UNC5D: variants seen among roughly 807,000 people sequenced by gnomAD.
The protein encoded by UNC5D is unc-5 netrin receptor D.
Under a neutral mutation model 105.4 loss-of-function variants are expected in UNC5D, and 39 were observed. That is an observed-to-expected ratio of 0.37 (90% CI 0.29 to 0.48). The LOEUF (loss-of-function observed/expected upper bound fraction) is 0.48. UNC5D is among the 20% of genes least tolerant of loss of function. UNC5D has a pLI of 0.98. For missense variants in UNC5D, 991 were observed against 1,202.4 expected, an observed-to-expected ratio of 0.82 and a Z score of 2.60; for synonymous variants, 452 against 450.4, an observed-to-expected ratio of 1.00 and a Z score of -0.04.
At chr8:35,721,434 C>T (rs1286291695) in intron 8 of UNC5D, 3 of 702,812 alleles carry the variant, frequency 4.3e-6, no homozygotes, top group Non-Finnish European at 7.8e-6. Flanking sequence ...TTTATTTTTG[C>T]TTTGCCCATG....
At chr8:35,320,362 G>A (rs1036232175) in intron 1 of UNC5D, among the ~76,000 whole-genome samples, 2 of 151,962 alleles carry the variant, frequency 1.3e-5, no homozygotes, top group Non-Finnish European at 2.9e-5. Flanking sequence ...TTTTAATCAT[G>A]CAGATGAAGG....
intron 1 of UNC5D, among the ~76,000 whole-genome samples, chr8:35,353,085 C>T (rs1000258082): frequency 6.6e-6 from 1 of 152,118 alleles, no homozygotes; most frequent in African/African-American, 2.4e-5. Flanking sequence ...AAAAAACATG[C>T]TCACAACAAA....
chr8:35,478,171 C>A (rs1250130677), intron 1 of UNC5D, among the ~76,000 whole-genome samples: 1 of 152,066 alleles, frequency 6.6e-6, no homozygotes, highest in Non-Finnish European at 1.5e-5. Flanking sequence ...GATTAATCAA[C>A]ACAGATGGGT....
intron 1 of UNC5D, among the ~76,000 whole-genome samples, chr8:35,362,804 T>A: frequency 6.6e-6 from 1 of 152,116 alleles, no homozygotes; most frequent in East Asian, 1.9e-4. Flanking sequence ...GGCTGTAAGT[T>A]CTTCATCTCA....
intron 1 of UNC5D, among the ~76,000 whole-genome samples, chr8:35,280,844 A>T (rs1283865816): frequency 6.6e-6 from 1 of 152,156 alleles, no homozygotes; most frequent in Admixed American, 6.5e-5. Flanking sequence ...CAGTTGCCAG[A>T]TTAATCTTTC....
rs149059007 is a variant in UNC5D at position 35,497,115 on chromosome 8, T to C, written c.104-52177T>C. Among the ~76,000 whole-genome samples, 442 of 152,294 alleles carry C rather than the reference T, an allele frequency of 2.9e-3. 2 individuals are homozygous for C. Among genetic ancestry groups the C allele is most frequent in the Non-Finnish European group, 4.2e-3 (285 of 68,026 alleles). On this transcript the variant is annotated intron_variant, in intron 1 of 16. Transcript: ENST00000404895. Reference sequence around the variant, plus strand: ...TTGTGTATTTTTATGCTAGGTTTGATGAAGAAGTAGATAGTCATGGAGAAA... The same window carrying C: ...TTGTGTATTTTTATGCTAGGTTTGACGAAGAAGTAGATAGTCATGGAGAAA...
At chr8:35,513,523 C>G (rs939187675) in intron 1 of UNC5D, among the ~76,000 whole-genome samples, 1 of 150,728 alleles carries the variant, frequency 6.6e-6, no homozygotes. Context: ...GCCACCATGC[C>G]CGGCCGGGCC....
At chr8:35,612,299 A>G (rs1820735391) in intron 4 of UNC5D, among the ~76,000 whole-genome samples, 1 of 152,210 alleles carries the variant, frequency 6.6e-6, no homozygotes, top group Non-Finnish European at 1.5e-5. Flanking sequence ...CTCAGCCCCA[A>G]ATCAGCTTTG....
chr8:35,569,266 C>T (rs1161179011), intron 3 of UNC5D, among the ~76,000 whole-genome samples: 1 of 152,120 alleles, frequency 6.6e-6, no homozygotes, highest in African/African-American at 2.4e-5. Context: ...CCCATAAAAC[C>T]TCTTTTGTGT....
At chr8:35,462,659 G>A (rs1471067298) in intron 1 of UNC5D, among the ~76,000 whole-genome samples, 1 of 152,042 alleles carries the variant, frequency 6.6e-6, no homozygotes, top group African/African-American at 2.4e-5. Context: ...AAATTTCCCT[G>A]GGATTAAATA....
At chr8:35,595,522 CAA>C in intron 3 of UNC5D, 30 bp from the exon 4 acceptor site, 2 of 1,603,478 alleles carry the variant, frequency 1.2e-6, no homozygotes, top group Non-Finnish European at 1.7e-6. Flanking sequence ...AGACTTGAAA[CAA>C]AGTGTCACCT....
intron 7 of UNC5D, among the ~76,000 whole-genome samples, chr8:35,699,051 T>C (rs751507109): frequency 2.0e-5 from 3 of 152,182 alleles, no homozygotes; most frequent in Non-Finnish European, 2.9e-5. Context: ...GAAAGTCTCA[T>C]AGATATTGGC....
intron 13 of UNC5D, among the ~76,000 whole-genome samples, chr8:35,755,458 T>TAA (rs1830472703): frequency 6.7e-6 from 1 of 149,668 alleles, no homozygotes; most frequent in Non-Finnish European, 1.5e-5. Context: ...GAAAGCACCA[T>TAA]AGCGACATAA....
chr8:35,731,888 G>C (rs1829216189), intron 11 of UNC5D, among the ~76,000 whole-genome samples: 1 of 152,146 alleles, frequency 6.6e-6, no homozygotes, highest in Admixed American at 6.5e-5. Context: ...TTTCAGGCCT[G>C]ACAAATTTCA....
intron 1 of UNC5D, among the ~76,000 whole-genome samples, chr8:35,518,478 A>G (rs533920666): frequency 1.0e-3 from 159 of 152,314 alleles, no homozygotes; most frequent in African/African-American, 3.6e-3. Context: ...TTGAATTTAC[A>G]TATGTTGGTA....
intron 4 of UNC5D, 107 bp from the exon 5 acceptor site, chr8:35,683,440 A>C (rs1249011630): frequency 1.8e-5 from 20 of 1,124,064 alleles, no homozygotes; most frequent in Non-Finnish European, 2.3e-5. Flanking sequence ...CTGTTGCTCT[A>C]TATTTTAGAT....
chr8:35,284,522 A>G (rs1585493744), intron 1 of UNC5D, among the ~76,000 whole-genome samples: 1 of 152,080 alleles, frequency 6.6e-6, no homozygotes, highest in East Asian at 1.9e-4. Flanking sequence ...CAGTAGGAAA[A>G]TCTGGGGAAA....
At chr8:35,342,765 G>C (rs920971516) in intron 1 of UNC5D, among the ~76,000 whole-genome samples, 1 of 152,002 alleles carries the variant, frequency 6.6e-6, no homozygotes, top group Non-Finnish European at 1.5e-5. Flanking sequence ...CACTGTGCTC[G>C]ATCACCTCCA....
intron 16 of UNC5D, among the ~76,000 whole-genome samples, chr8:35,789,541 G>A (rs775460043): frequency 3.4e-4 from 51 of 151,990 alleles, no homozygotes; most frequent in Non-Finnish European, 1.6e-4. Flanking sequence ...GTTAGAAGAA[G>A]GACCAGTTTG....
Sources: allele counts gnomAD v4.1 joint callset (sites outside exome capture counted in the v4.1 genomes callset), GRCh38; gene constraint gnomAD v4.1.1; transcripts MANE v1.5; gene names NCBI Gene and HGNC (gene_info 2026-07-23, HGNC 2026-07-21).